The following SKI variants were observed in gnomAD, a reference collection of about 807,000 sequenced individuals.
The protein encoded by SKI is SKI proto-oncogene.
SKI carries 23 observed loss-of-function variants against 59.3 expected under a neutral mutation model. The ratio of observed to expected loss-of-function variants is 0.39; its 90% CI spans 0.28 to 0.55. SKI has a LOEUF of 0.55. Ranked by LOEUF, SKI falls within the 20% of genes least tolerant of loss-of-function variation. The probability of loss-of-function intolerance (pLI) is 0.67; values close to 1 mark genes in which losing one functional copy is unlikely to be tolerated. For missense variants in SKI, 1,017 were observed against 1,038.9 expected (o/e 0.98, Z 0.29); for synonymous variants, 673 against 488.6 (o/e 1.38, Z -4.98).
At chr1:2,240,432 G>A in intron 1 of SKI, 1 of 957,330 alleles carries the variant, frequency 1.0e-6, no homozygotes, top group Non-Finnish European at 1.2e-6. Flanking sequence ...ACTGCCAGAA[G>A]CACTTGGCGG....
chr1:2,244,903 C>T (rs1253971072), intron 1 of SKI, among the ~76,000 whole-genome samples: 6 of 152,194 alleles, frequency 3.9e-5, no homozygotes, highest in Admixed American at 2.6e-4. Flanking sequence ...ATATACTTTT[C>T]TTCAGAAACT....
intron 1 of SKI, among the ~76,000 whole-genome samples, chr1:2,295,315 A>C (rs1327364218): frequency 6.6e-6 from 1 of 152,238 alleles, no homozygotes; most frequent in Non-Finnish European, 1.5e-5. Flanking sequence ...GCCGTGCTGC[A>C]GTGAAAACCA....
chr1:2,275,259 G>A (rs540611511), intron 1 of SKI, among the ~76,000 whole-genome samples: 46 of 152,332 alleles, frequency 3.0e-4, no homozygotes, highest in African/African-American at 9.9e-4. Context: ...GCCGGCCCAC[G>A]GCTCCGCTCA....
At chr1:2,250,334 C>T (rs1336551955) in intron 1 of SKI, among the ~76,000 whole-genome samples, 1 of 152,236 alleles carries the variant, frequency 6.6e-6, no homozygotes, top group Non-Finnish European at 1.5e-5. Flanking sequence ...CCAGAACCCG[C>T]TGTCCGTTCC....
chr1:2,283,355 G>A (rs1283068111), intron 1 of SKI, among the ~76,000 whole-genome samples: 6 of 150,002 alleles, frequency 4.0e-5, no homozygotes, highest in Admixed American at 2.6e-4. Flanking sequence ...CCTCAGGGGG[G>A]GGAGGGCAGG....
intron 1 of SKI, among the ~76,000 whole-genome samples, chr1:2,257,425 C>G (rs891775690): frequency 6.6e-6 from 1 of 152,268 alleles, no homozygotes; most frequent in Non-Finnish European, 1.5e-5. Flanking sequence ...GCAAGGCCTC[C>G]CCTCCCATGG....
At chr1:2,257,578 G>A (rs1285895116) in intron 1 of SKI, among the ~76,000 whole-genome samples, 4 of 152,234 alleles carry the variant, frequency 2.6e-5, no homozygotes, top group South Asian at 2.1e-4. Context: ...TCCAAGAGCC[G>A]GGCTCTCGGC....
rs1269741981 is a variant in SKI at position 2,303,285 on chromosome 1, A to C, written c.1096A>C (p.Ser366Arg). The C allele has an allele frequency of 1.7e-5, 28 of 1,613,338 alleles. No individual in the cohort carries two copies. Among genetic ancestry groups the C allele is most frequent in the Non-Finnish European group, 2.4e-5 (28 of 1,179,960 alleles). ...CACACAGACAACTCTTTCTCGACAG[A>C]GCCTGGGCTGTGTTCACCCTCGCCA... ...LRTLAGSSNK[S>R]LGCVHPRQRL... is the part of the protein sequence containing the mutation. The change falls in exon 3 of 7, where the codon AGC (serine) becomes CGC (arginine). Residue 366 changes from serine to arginine, a missense_variant and splice_region_variant. Coordinates refer to ENST00000378536, the MANE Select transcript of SKI (RefSeq NM_003036.4). The surrounding 1 kb of genome is among the most constrained non-coding windows in gnomAD (Gnocchi z 5.6).
chr1:2,243,334 CCTCT>C (rs1266631340), intron 1 of SKI, among the ~76,000 whole-genome samples: 1 of 152,252 alleles, frequency 6.6e-6, no homozygotes, highest in Non-Finnish European at 1.5e-5. Flanking sequence ...CCCGCCCTGC[CCTCT>C]CGTGCTCCTC....
chr1:2,288,507 C>T (rs773708855), intron 1 of SKI, among the ~76,000 whole-genome samples: 10 of 152,252 alleles, frequency 6.6e-5, no homozygotes, highest in Non-Finnish European at 1.5e-4. Context: ...TGGTTGTCGT[C>T]GTTTCCTGTG....
intron 1 of SKI, among the ~76,000 whole-genome samples, chr1:2,237,055 CA>C (rs1355366663): frequency 6.6e-6 from 1 of 152,170 alleles, no homozygotes; most frequent in African/African-American, 2.4e-5. Flanking sequence ...CTGAGGGTTC[CA>C]CCCCAGGACC....
At chr1:2,288,341 C>G (rs769462804) in intron 1 of SKI, among the ~76,000 whole-genome samples, 2 of 152,208 alleles carry the variant, frequency 1.3e-5, no homozygotes, top group Non-Finnish European at 2.9e-5. Flanking sequence ...AGGCTGGTCT[C>G]TAACTCCTAA....
At chr1:2,263,715 G>GA (rs1406709561) in intron 1 of SKI, among the ~76,000 whole-genome samples, 1 of 151,622 alleles carries the variant, frequency 6.6e-6, no homozygotes, top group Non-Finnish European at 1.5e-5. Context: ...TTGGTGGGGG[G>GA]ACTGGGCGCG....
rs1257668148 is a variant in SKI, at chr1:2,256,571, G to T, written c.969+26836G>T. Among the ~76,000 whole-genome samples, 3 of 152,208 alleles carry T rather than the reference G, an allele frequency of 2.0e-5. No homozygotes were observed. The East Asian group carries it at 5.8e-4, about 29-fold the overall frequency. On this transcript the variant is annotated intron_variant, in intron 1 of 6. Coordinates refer to ENST00000378536, the MANE Select transcript of SKI (RefSeq NM_003036.4). The stretch of plus-strand genomic sequence containing the variant: ...TCCCCTCCTGGGTTCATCCTTACCT[G>T]AGTAGCCACAGCACACTGTGCAGTT...
intron 1 of SKI, among the ~76,000 whole-genome samples, chr1:2,282,844 G>T (rs1227472070): frequency 1.3e-5 from 2 of 152,230 alleles, no homozygotes; most frequent in African/African-American, 4.8e-5. Context: ...GGTGGGTCTG[G>T]TTCTCAGCCT....
intron 1 of SKI, chr1:2,240,624 A>G (rs1638849821): frequency 5.1e-6 from 5 of 985,476 alleles, no homozygotes; most frequent in Non-Finnish European, 6.0e-6. Context: ...TTTAGCCCGA[A>G]GTAACCATAC....
intron 1 of SKI, among the ~76,000 whole-genome samples, chr1:2,300,514 C>T (rs1304950228): frequency 6.6e-6 from 1 of 152,226 alleles, no homozygotes. Flanking sequence ...CCCCCAGGGG[C>T]CTTGGTAGGG....
intron 1 of SKI, among the ~76,000 whole-genome samples, chr1:2,295,060 A>ACT (rs1249368447): frequency 6.6e-6 from 1 of 152,214 alleles, no homozygotes; most frequent in Non-Finnish European, 1.5e-5. Context: ...TGGGCTTTAG[A>ACT]AGGTGAAAAA....
At chr1:2,296,898 G>A (rs1222104366) in intron 1 of SKI, among the ~76,000 whole-genome samples, 1 of 152,106 alleles carries the variant, frequency 6.6e-6, no homozygotes, top group East Asian at 1.9e-4. Flanking sequence ...TCCGGGAAAT[G>A]GTTTAAGGAG....
Sources: gnomAD v4.1 joint callset for allele counts (sites outside exome capture counted in the v4.1 genomes callset) on GRCh38, gnomAD v4.1.1 for gene constraint, Gnocchi (gnomAD v3.1) non-coding constraint, MANE v1.5 for transcripts, NCBI Gene and HGNC (gene_info 2026-07-23, HGNC 2026-07-21) for gene names.